CRACD: variants seen among roughly 807,000 people sequenced by gnomAD.
CRACD encodes the protein capping protein inhibiting regulator of actin dynamics.
In CRACD, 56 loss-of-function variants were observed where a neutral mutation model predicts 106.8. The observed-to-expected ratio is 0.52, with a 90% confidence interval of 0.42 to 0.66. The LOEUF is 0.66. CRACD is among the 30% of genes least tolerant of loss of function. The pLI, the probability that CRACD is intolerant of heterozygous loss-of-function variation, is 0.00. For synonymous variants in CRACD, 754 were observed against 670.8 expected, an observed-to-expected ratio of 1.12 and a Z score of -1.92; for missense variants, 1,730 against 1,623.2, an observed-to-expected ratio of 1.07 and a Z score of -1.13.
intron 2 of CRACD, among the ~76,000 whole-genome samples, chr4:56,182,815 G>A (rs994426939): frequency 6.6e-6 from 1 of 151,520 alleles, no homozygotes; most frequent in Non-Finnish European, 1.5e-5. Flanking sequence ...AGAACATTTT[G>A]TGATGGAATT....
chr4:56,182,439 A>C (rs1347262970), intron 2 of CRACD, among the ~76,000 whole-genome samples: 1 of 151,728 alleles, frequency 6.6e-6, no homozygotes, highest in Non-Finnish European at 1.5e-5. Context: ...GAAACAAAAA[A>C]AAAAAACCAG....
chr4:56,227,495 G>A (rs1739366094), intron 2 of CRACD, among the ~76,000 whole-genome samples: 1 of 131,750 alleles, frequency 7.6e-6, no homozygotes, highest in African/African-American at 2.5e-5. Flanking sequence ...CAGCTTCTGG[G>A]TCTCCCTTGC....
At chr4:56,225,917 G>GT (rs1411551398) in intron 2 of CRACD, among the ~76,000 whole-genome samples, 1 of 152,236 alleles carries the variant, frequency 6.6e-6, no homozygotes, top group Non-Finnish European at 1.5e-5. Context: ...TCTTCAAGCT[G>GT]TTGCTGTAAG....
chr4:56,110,785 C>T (rs1180985383), intron 1 of CRACD, among the ~76,000 whole-genome samples: 2 of 152,034 alleles, frequency 1.3e-5, no homozygotes, highest in African/African-American at 4.8e-5. Context: ...TTAGTAGAGA[C>T]GGGGTTTCAC....
chr4:56,257,024 G>A (rs1741395520), intron 2 of CRACD, among the ~76,000 whole-genome samples: 1 of 151,336 alleles, frequency 6.6e-6, no homozygotes. Flanking sequence ...AAAATAACAG[G>A]TAGCAGGCTC....
chr4:56,117,818 T>G (rs927371033), intron 1 of CRACD, among the ~76,000 whole-genome samples: 1 of 152,150 alleles, frequency 6.6e-6, no homozygotes, highest in African/African-American at 2.4e-5. Flanking sequence ...AGTGCAGTGG[T>G]GTGATCTCGG....
chr4:56,154,995 A>G (rs979977204), intron 1 of CRACD, among the ~76,000 whole-genome samples: 1 of 151,998 alleles, frequency 6.6e-6, no homozygotes, highest in Non-Finnish European at 1.5e-5. Flanking sequence ...GTTTTTCAAA[A>G]CTAAATGTTT....
chr4:56,189,705 A>G (rs1737274979), intron 2 of CRACD, among the ~76,000 whole-genome samples: 1 of 151,170 alleles, frequency 6.6e-6, no homozygotes, highest in African/African-American at 2.4e-5. Context: ...AGCTTCATCC[A>G]TGCCCCTACA....
chr4:56,073,830 T>C (rs1257120953), intron 1 of CRACD, among the ~76,000 whole-genome samples: 2 of 152,182 alleles, frequency 1.3e-5, no homozygotes, highest in African/African-American at 4.8e-5. Flanking sequence ...GTTTTTATGG[T>C]TTTAGGTCTT....
At chr4:56,164,982 C>A (rs576335859) in intron 1 of CRACD, among the ~76,000 whole-genome samples, 73 of 152,162 alleles carry the variant, frequency 4.8e-4, no homozygotes, top group Non-Finnish European at 8.2e-4. Flanking sequence ...TCTCTGAAAT[C>A]AAGTGGGAGG....
chr4:56,062,402 G>A (rs966104342), intron 1 of CRACD, among the ~76,000 whole-genome samples: 3 of 152,172 alleles, frequency 2.0e-5, no homozygotes, highest in African/African-American at 7.2e-5. Flanking sequence ...TTAAGTGGAA[G>A]GCTGAGGCAT....
At chr4:56,084,256 G>A (rs1733139136) in intron 1 of CRACD, among the ~76,000 whole-genome samples, 2 of 151,954 alleles carry the variant, frequency 1.3e-5, no homozygotes, top group Non-Finnish European at 1.5e-5. Flanking sequence ...TTGGCTGAGC[G>A]TTTTTCTTAT....
chr4:56,292,800 A>G (rs1408496171), intron 3 of CRACD, among the ~76,000 whole-genome samples: 2 of 152,194 alleles, frequency 1.3e-5, no homozygotes. Flanking sequence ...CTGGGATTAC[A>G]GGCGTGAGCC....
chr4:56,328,413 A>G lies in CRACD; in HGVS notation c.*609A>G. On this transcript the variant is annotated 3_prime_UTR_variant, in exon 11 of 11. Coordinates refer to ENST00000682029, the MANE Select transcript of CRACD (RefSeq NM_001393381.1). ...AAGCTGTAACCCAGAAGGCACATCC[A>G]TTCACATTTTTACCGCACTGTGGAT... 1.9e-6 allele frequency: 1 copy of G among 518,706 alleles called. No homozygotes were observed. 32.1% of individuals were successfully genotyped at this position (518,706 alleles called of 1,614,324 possible).
chr4:56,175,479 CA>C, intron 1 of CRACD, among the ~76,000 whole-genome samples: 1 of 152,148 alleles, frequency 6.6e-6, no homozygotes, highest in African/African-American at 2.4e-5. Context: ...GTTTTTTTAG[CA>C]GAAGTTCTGT....
chr4:56,248,767 T>C (rs1223420267), intron 2 of CRACD, among the ~76,000 whole-genome samples: 1 of 120,208 alleles, frequency 8.3e-6, no homozygotes, highest in Non-Finnish European at 1.6e-5. Flanking sequence ...GATATTCCCC[T>C]TCCTGTGTCC....
intron 2 of CRACD, among the ~76,000 whole-genome samples, chr4:56,261,241 G>A (rs1372361603): frequency 4.6e-5 from 7 of 152,088 alleles, no homozygotes; most frequent in Admixed American, 3.3e-4. Context: ...AAGCGGTGGC[G>A]GAAACCGGCA....
At chr4:56,139,736 C>T (rs1311947565) in intron 1 of CRACD, among the ~76,000 whole-genome samples, 2 of 151,892 alleles carry the variant, frequency 1.3e-5, no homozygotes, top group African/African-American at 2.4e-5. Context: ...CCTGGGAGTA[C>T]AAGGAATTTG....
intron 1 of CRACD, among the ~76,000 whole-genome samples, chr4:56,153,011 G>T (rs1465813406): frequency 6.6e-6 from 1 of 152,144 alleles, no homozygotes; most frequent in Non-Finnish European, 1.5e-5. Flanking sequence ...AGGTGCAGTG[G>T]CTCACGCCTA....
Sources: gnomAD v4.1 joint callset for allele counts (sites outside exome capture counted in the v4.1 genomes callset) on GRCh38, gnomAD v4.1.1 for gene constraint, MANE v1.5 for transcripts, NCBI Gene and HGNC (gene_info 2026-07-23, HGNC 2026-07-21) for gene names.